Variants in ZSCAN5A observed in about 807,000 individuals in gnomAD.
ZSCAN5A encodes the protein zinc finger and SCAN domain containing 5A, also known as zinc finger and SCAN domain-containing protein 5A.
In ZSCAN5A, 12 loss-of-function variants were observed where a neutral mutation model predicts 23.7. The observed-to-expected ratio is 0.51, with a 90% CI of 0.32 to 0.82. ZSCAN5A has a LOEUF of 0.82. ZSCAN5A is among the 40% of genes least tolerant of loss of function. The pLI is 0.03. For missense variants in ZSCAN5A, 597 were observed against 617.9 expected (o/e 0.97, Z 0.36); for synonymous variants, 257 against 239.9 (o/e 1.07, Z -0.66).
At chr19:56,262,443 C>T (rs184915384) in intron 2 of ZSCAN5A, among the ~76,000 whole-genome samples, 23 of 146,832 alleles carry the variant, frequency 1.6e-4, no homozygotes, top group African/African-American at 4.9e-4. Flanking sequence ...TTTTTTGAGA[C>T]GGAGTTTTGC....
intron 2 of ZSCAN5A, chr19:56,301,914 C>G: frequency 8.1e-7 from 1 of 1,231,884 alleles, no homozygotes. Flanking sequence ...ACAGGAAGCT[C>G]TAAGGCAGGA....
chr19:56,227,050 A>C (rs1454087058), intron 2 of ZSCAN5A, among the ~76,000 whole-genome samples: 1 of 152,232 alleles, frequency 6.6e-6, no homozygotes, highest in African/African-American at 2.4e-5. Flanking sequence ...GATATAGGTC[A>C]AAGAGTACAA....
chr19:56,238,821 A>G (rs1438884175), intron 2 of ZSCAN5A, among the ~76,000 whole-genome samples: 1 of 149,756 alleles, frequency 6.7e-6, no homozygotes, highest in Non-Finnish European at 1.5e-5. Context: ...ATCCAACTCA[A>G]TCCCTACCAA....
upstream of ZSCAN5A, chr19:56,316,926 TC>T (rs1600276907): frequency 6.6e-6 from 1 of 152,308 alleles, no homozygotes; most frequent in African/African-American, 2.4e-5. Flanking sequence ...AGCCTTGACC[TC>T]CTGGGCTTAA....
chr19:56,228,377 C>T (rs2034165669), intron 2 of ZSCAN5A: 1 of 985,194 alleles, frequency 1.0e-6, no homozygotes, highest in African/African-American at 1.7e-5. Context: ...CCCTGCGCCG[C>T]CCCGTGATTG....
chr19:56,296,855 G>A (rs964157021), intron 2 of ZSCAN5A, among the ~76,000 whole-genome samples: 7 of 152,230 alleles, frequency 4.6e-5, no homozygotes, highest in Admixed American at 2.6e-4. Context: ...CCAACATGGT[G>A]AAACTCCGTC....
At chr19:56,267,454 T>C (rs1481848146) in intron 2 of ZSCAN5A, among the ~76,000 whole-genome samples, 2 of 152,228 alleles carry the variant, frequency 1.3e-5, no homozygotes, top group African/African-American at 4.8e-5. Context: ...TGTAGCTATT[T>C]AGATTTACCA....
intron 2 of ZSCAN5A, among the ~76,000 whole-genome samples, chr19:56,302,366 C>T (rs1045652461): frequency 6.8e-6 from 1 of 147,474 alleles, no homozygotes; most frequent in Non-Finnish European, 1.5e-5. Flanking sequence ...TCTTCCCTCC[C>T]TTACTTCCTC....
At chr19:56,282,935 C>T (rs984329016) in intron 2 of ZSCAN5A, 1 of 152,230 alleles carries the variant, frequency 6.6e-6, no homozygotes, top group African/African-American at 2.4e-5. Flanking sequence ...TGGAATGAGA[C>T]CATGGCTTTG....
intron 2 of ZSCAN5A, among the ~76,000 whole-genome samples, chr19:56,232,731 C>T (rs11671129): frequency 0.21 from 32,137 of 151,696 alleles, 3,483 homozygotes; most frequent in Middle Eastern, 0.25. Context: ...CAGGCTGAAG[C>T]ACAGTTGCAC....
intron 2 of ZSCAN5A, among the ~76,000 whole-genome samples, chr19:56,300,874 G>A (rs1031441508): frequency 1.3e-5 from 2 of 152,136 alleles, no homozygotes; most frequent in Non-Finnish European, 2.9e-5. Flanking sequence ...TTACACAGGC[G>A]AAAGAAACAC....
intron 2 of ZSCAN5A, chr19:56,244,057 CA>C: frequency 9.7e-7 from 1 of 1,036,176 alleles, no homozygotes; most frequent in East Asian, 2.4e-5. Context: ...CTGCAAATTG[CA>C]ACTCCTCATG....
intron 2 of ZSCAN5A, among the ~76,000 whole-genome samples, chr19:56,229,377 C>CT (rs772260983): frequency 2.0e-5 from 3 of 152,302 alleles, no homozygotes; most frequent in Middle Eastern, 3.4e-3. Flanking sequence ...TGAAGTAAGA[C>CT]TATGTCAGTA....
chr19:56,300,877 A>C (rs1360198862), intron 2 of ZSCAN5A, among the ~76,000 whole-genome samples: 1 of 152,222 alleles, frequency 6.6e-6, no homozygotes, highest in Non-Finnish European at 1.5e-5. Context: ...CACAGGCGAA[A>C]GAAACACTCT....
Position 56,223,868 on chromosome 19 carries a change from T to A in ZSCAN5A, c.385-34A>T, listed in dbSNP as rs368101457. On this transcript the variant is annotated intron_variant, in intron 3 of 5. Coordinates refer to ENST00000683990, the MANE Select transcript of ZSCAN5A (RefSeq NM_001322064.3). ...AGAAAAAAGACAATCAGACTCACCA[T>A]GAGAACCTGAAAGTAGCTCTCATAT... 1.9e-6 allele frequency: 3 copies of A among 1,581,008 alleles called. No homozygotes were observed. In the African/African-American group the frequency reaches 4.0e-5, roughly 21 times the overall value.
At chr19:56,283,664 G>A (rs1022167889) in intron 2 of ZSCAN5A, 1 of 152,174 alleles carries the variant, frequency 6.6e-6, no homozygotes, top group Admixed American at 6.5e-5. Flanking sequence ...TGAGGAAATG[G>A]AGACTTCTAG....
intron 2 of ZSCAN5A, among the ~76,000 whole-genome samples, chr19:56,293,774 G>A (rs1221687496): frequency 6.6e-6 from 1 of 152,158 alleles, no homozygotes; most frequent in African/African-American, 2.4e-5. Context: ...AGGTGGTAGG[G>A]GAGGCTAACG....
At chr19:56,266,176 C>G (rs34176845) in intron 2 of ZSCAN5A, 3 of 152,162 alleles carry the variant, frequency 2.0e-5, no homozygotes, top group African/African-American at 7.2e-5. Context: ...CTTAGAACCA[C>G]GTCTGGCACA....
At chr19:56,281,767 G>A (rs559930022) in intron 2 of ZSCAN5A, 31 of 941,504 alleles carry the variant, frequency 3.3e-5, no homozygotes, top group Non-Finnish European at 3.7e-5. Context: ...GGAAGGGAAT[G>A]AAAGAGAGAG....
Sources: gnomAD v4.1 joint callset for allele counts (sites outside exome capture counted in the v4.1 genomes callset) on GRCh38, gnomAD v4.1.1 for gene constraint, MANE v1.5 for transcripts, NCBI Gene and HGNC (gene_info 2026-07-23, HGNC 2026-07-21) for gene names.